REV3L: variants seen among roughly 807,000 people sequenced by gnomAD.
REV3L encodes the protein DNA polymerase zeta catalytic subunit.
A neutral mutation model predicts 299.4 loss-of-function variants in REV3L; 69 were observed. The observed-to-expected ratio is 0.23, with a 90% CI of 0.19 to 0.28. The LOEUF is 0.28. Among genes scored for constraint, REV3L ranks in the 10% least tolerant of loss-of-function variants. The pLI, the probability that REV3L is intolerant of heterozygous loss-of-function variation, is 1.00. For synonymous variants in REV3L, 1,238 were observed against 1,271.4 expected (o/e 0.97, Z 0.56); for missense variants, 3,128 against 3,693.8 (o/e 0.85, Z 3.97).
rs755378677 is a variant in REV3L, at chr6:111,307,469, T to C, written c.9144A>G (p.Leu3048=). 1 of 1,614,044 alleles carries C rather than the reference T, an allele frequency of 6.2e-7. No homozygotes were observed. Among genetic ancestry groups the C allele is most frequent in the African/African-American group, 1.3e-5 (1 of 74,924 alleles). ...TTLHCPVCDD[L]TQHGICSKCR... ...ATTTACTACAGATGCCATGCTGAGT[T>C]AGGTCATCACACACAGGACAGTGTA... is the stretch of plus-strand genomic sequence containing the variant. Residue 3048 remains leucine (L), a synonymous_variant, in exon 31 of 32, where the codon CTA becomes CTG. Transcript: ENST00000368802.
chr6:111,406,274 TA>T (rs1783613918), intron 3 of REV3L, among the ~76,000 whole-genome samples: 1 of 152,112 alleles, frequency 6.6e-6, no homozygotes, highest in Non-Finnish European at 1.5e-5. Flanking sequence ...ACTGCACATG[TA>T]AAGGGTCACG....
chr6:111,354,287 C>T (rs1777873307), intron 18 of REV3L: 1 of 152,140 alleles, frequency 6.6e-6, no homozygotes, highest in Non-Finnish European at 1.5e-5. Flanking sequence ...TTATTCCAGT[C>T]AGCTATTTGT....
In REV3L at chr6:111,303,809, T is replaced by TG. The variant is rs1202376301; in HGVS notation, c.9252+3551_9252+3552insC. Among the ~76,000 whole-genome samples the TG allele has an allele frequency of 2.1e-5, 3 of 141,272 alleles. No homozygotes were observed. The East Asian group carries it at 6.6e-4, about 31-fold the overall frequency. The allele number at this position is 141,272 out of a possible 152,430, so 92.7% of individuals were successfully genotyped here. ...ATCTCGGCTCACTGCAGCCTCTGCC[T>TG]CCTGGGTTCAAGTGATTTTCCTGCC... is the stretch of plus-strand genomic sequence containing the variant. On this transcript the variant is annotated intron_variant, in intron 31 of 31. Transcript: ENST00000368802.
chr6:111,389,741 T>G (rs2128253149), intron 6 of REV3L, among the ~76,000 whole-genome samples: 1 of 135,916 alleles, frequency 7.4e-6, no homozygotes, highest in Admixed American at 7.4e-5. Context: ...TTTTTTTTTT[T>G]TTTTTTTTTT....
intron 1 of REV3L, among the ~76,000 whole-genome samples, chr6:111,478,629 C>CAAAAAAAAA (rs35796020): frequency 7.8e-6 from 1 of 128,444 alleles, no homozygotes; most frequent in Non-Finnish European, 1.8e-5. Flanking sequence ...TCCAATTTAC[C>CAAAAAAAAA]AAAAAAAAAA....
At chr6:111,431,152 A>T (rs902914481) in intron 1 of REV3L, 20 of 1,527,046 alleles carry the variant, frequency 1.3e-5, no homozygotes, top group Non-Finnish European at 1.7e-5. Context: ...AAGCGATCTC[A>T]GCAGCCATGA....
chr6:111,332,371 C>T (rs1026668096), intron 23 of REV3L, among the ~76,000 whole-genome samples: 38 of 152,150 alleles, frequency 2.5e-4, no homozygotes, highest in African/African-American at 8.9e-4. Flanking sequence ...ACGTCCAGCC[C>T]AATCATCTTA....
At chr6:111,319,604 T>G (rs1773912053) in intron 26 of REV3L, among the ~76,000 whole-genome samples, 2 of 152,102 alleles carry the variant, frequency 1.3e-5, no homozygotes, top group Non-Finnish European at 2.9e-5. Context: ...AGCAGAGAGA[T>G]TACAGTCAAC....
intron 16 of REV3L, chr6:111,361,594 TAGG>T (rs1778684515): frequency 2.0e-5 from 3 of 152,108 alleles, no homozygotes; most frequent in Admixed American, 1.3e-4. Flanking sequence ...TTACTGTGCT[TAGG>T]GGGTATTTTT....
chr6:111,309,071 C>T (rs574659399), intron 30 of REV3L: 4 of 152,432 alleles, frequency 2.6e-5, no homozygotes, highest in Non-Finnish European at 5.9e-5. Flanking sequence ...ATGGCAGTGT[C>T]TAGGGGTGAA....
At chr6:111,327,567 AAAG>A (rs560435666) in intron 25 of REV3L, among the ~76,000 whole-genome samples, 1 of 152,010 alleles carries the variant, frequency 6.6e-6, no homozygotes, top group African/African-American at 2.4e-5. Context: ...AAAAAAAAAA[AAAG>A]GATAGCTTTT....
chr6:111,426,474 T>A (rs1247987701), intron 1 of REV3L, among the ~76,000 whole-genome samples: 1 of 152,140 alleles, frequency 6.6e-6, no homozygotes, highest in East Asian at 1.9e-4. Flanking sequence ...ATGCCAGAGG[T>A]TGCAATTTTT....
intron 1 of REV3L, among the ~76,000 whole-genome samples, chr6:111,438,023 T>A (rs976106299): frequency 1.3e-5 from 2 of 150,518 alleles, no homozygotes; most frequent in East Asian, 1.9e-4. Flanking sequence ...AATTTTTTTT[T>A]TTTTATTTTT....
At chr6:111,432,773 T>C (rs993298148) in intron 1 of REV3L, among the ~76,000 whole-genome samples, 1 of 152,110 alleles carries the variant, frequency 6.6e-6, no homozygotes, top group African/African-American at 2.4e-5. Flanking sequence ...TATGGAACAT[T>C]CTCCGAAACA....
intron 1 of REV3L, chr6:111,430,310 C>G: frequency 8.2e-6 from 9 of 1,096,464 alleles, no homozygotes; most frequent in Non-Finnish European, 7.0e-6. Context: ...TTTCCTGTGA[C>G]TGATTTTACT....
chr6:111,430,857 C>T, intron 1 of REV3L: 1 of 1,605,452 alleles, frequency 6.2e-7, no homozygotes, highest in East Asian at 2.2e-5. Flanking sequence ...AGAAGAAAAC[C>T]AGACGGAACA....
At chr6:111,426,181 T>C (rs1402655118) in intron 1 of REV3L, among the ~76,000 whole-genome samples, 3 of 152,128 alleles carry the variant, frequency 2.0e-5, no homozygotes, top group Admixed American at 6.5e-5. Flanking sequence ...TATACATTAG[T>C]AGTAGTTAGT....
intron 13 of REV3L, among the ~76,000 whole-genome samples, chr6:111,368,546 T>G (rs1234102398): frequency 6.6e-6 from 1 of 152,078 alleles, no homozygotes; most frequent in African/African-American, 2.4e-5. Flanking sequence ...AAATACCAAC[T>G]GAGGTAAATT....
At chr6:111,391,158 C>G (rs1301087515) in intron 5 of REV3L, among the ~76,000 whole-genome samples, 4 of 151,860 alleles carry the variant, frequency 2.6e-5, no homozygotes, top group Non-Finnish European at 5.9e-5. Flanking sequence ...CTCCACCTCC[C>G]AGGTTCAAGC....
Sources: allele counts gnomAD v4.1 joint callset (sites outside exome capture counted in the v4.1 genomes callset), GRCh38; gene constraint gnomAD v4.1.1; transcripts MANE v1.5; gene names NCBI Gene and HGNC (gene_info 2026-07-23, HGNC 2026-07-21).